The following ETV6 variants were observed in gnomAD, a reference collection of about 807,000 sequenced individuals.
The protein encoded by ETV6 is transcription factor ETV6.
In ETV6, 16 loss-of-function variants were observed where a neutral mutation model predicts 51.1. The ratio of observed to expected loss-of-function variants is 0.31; its 90% CI spans 0.21 to 0.48. The LOEUF (loss-of-function observed/expected upper bound fraction) is 0.48. ETV6 is among the 20% of genes least tolerant of loss of function. ETV6 has a pLI of 0.99. For missense variants in ETV6, 458 were observed against 594.8 expected, an observed-to-expected ratio of 0.77 and a Z score of 2.39; for synonymous variants, 240 against 224.1, an observed-to-expected ratio of 1.07 and a Z score of -0.64.
rs1386152477 is a variant in ETV6 at position 11,697,124 on chromosome 12, T to C, written c.33+46964T>C. 2.6e-5 allele frequency among the ~76,000 whole-genome samples: 4 copies of C among 152,238 alleles called. No homozygotes were observed. The East Asian group carries it at 7.7e-4, about 29-fold the overall frequency. On this transcript the variant is annotated intron_variant, in intron 1 of 7. Transcript: ENST00000396373. ...TGGATTACATAGATTGTGACTACAC[T>C]GTGCCTTAACTCATCACTTAGGCAG...
At chr12:11,701,355 G>C (rs1008961225) in intron 1 of ETV6, among the ~76,000 whole-genome samples, 12 of 152,030 alleles carry the variant, frequency 7.9e-5, no homozygotes, top group African/African-American at 2.9e-4. Context: ...ACTACTCCAG[G>C]TCTCTCCGTA....
chr12:11,775,178 A>G (rs1368058545), intron 2 of ETV6, among the ~76,000 whole-genome samples: 1 of 152,242 alleles, frequency 6.6e-6, no homozygotes, highest in Non-Finnish European at 1.5e-5. Context: ...AGTAAAGGAA[A>G]AAGCTGGGCT....
At chr12:11,670,123 A>G (rs757064491) in intron 1 of ETV6, among the ~76,000 whole-genome samples, 3 of 151,506 alleles carry the variant, frequency 2.0e-5, no homozygotes, top group Non-Finnish European at 4.4e-5. Context: ...GATACACTGT[A>G]TTCTTGTAAT....
chr12:11,890,892 A>C (rs1356231885), intron 7 of ETV6, 49 bp from the exon 8 acceptor site: 1 of 1,416,940 alleles, frequency 7.1e-7, no homozygotes, highest in Non-Finnish European at 1.0e-6. Flanking sequence ...GAGTGAAGAC[A>C]GCTTTAGGAA....
chr12:11,693,039 C>G (rs1864797044), intron 1 of ETV6, among the ~76,000 whole-genome samples: 2 of 152,074 alleles, frequency 1.3e-5, no homozygotes, highest in Admixed American at 6.6e-5. Flanking sequence ...GACCCTGTTT[C>G]AAGAATAGTA....
intron 1 of ETV6, among the ~76,000 whole-genome samples, chr12:11,692,676 C>T (rs1029724085): frequency 1.2e-4 from 18 of 152,192 alleles, no homozygotes; most frequent in Non-Finnish European, 2.5e-4. Flanking sequence ...ACTAGGCAGG[C>T]ATTGTCTTAA....
At chr12:11,847,511 G>A (rs1440983056) in intron 3 of ETV6, among the ~76,000 whole-genome samples, 2 of 152,226 alleles carry the variant, frequency 1.3e-5, no homozygotes, top group Non-Finnish European at 2.9e-5. Flanking sequence ...GCTGGAGAAG[G>A]AGGAAGAGCA....
chr12:11,775,618 C>T (rs1034002456), intron 2 of ETV6, among the ~76,000 whole-genome samples: 17 of 152,160 alleles, frequency 1.1e-4, no homozygotes, highest in Admixed American at 1.1e-3. Flanking sequence ...GGAGACTCCA[C>T]CTACCCCACC....
chr12:11,748,664 G>C (rs1402864787), intron 1 of ETV6, among the ~76,000 whole-genome samples: 3 of 152,110 alleles, frequency 2.0e-5, no homozygotes, highest in Non-Finnish European at 4.4e-5. Context: ...GGGTGGGTGT[G>C]GGGGAACGTG....
intron 2 of ETV6, among the ~76,000 whole-genome samples, chr12:11,790,781 G>A (rs1053176616): frequency 3.3e-5 from 5 of 149,694 alleles, no homozygotes; most frequent in South Asian, 2.1e-4. Flanking sequence ...GGATTCAAGC[G>A]ATTCTCCTGC....
At chr12:11,825,800 A>G (rs899349581) in intron 2 of ETV6, 5 of 150,164 alleles carry the variant, frequency 3.3e-5, no homozygotes, top group South Asian at 2.1e-4. Context: ...CCATTAAGTT[A>G]GCAATTCTTG....
At chr12:11,700,773 T>C (rs1247217257) in intron 1 of ETV6, among the ~76,000 whole-genome samples, 1 of 152,104 alleles carries the variant, frequency 6.6e-6, no homozygotes, top group Non-Finnish European at 1.5e-5. Context: ...GGCTTGGTCT[T>C]GCTGTCTCAG....
intron 1 of ETV6, among the ~76,000 whole-genome samples, chr12:11,698,009 T>A (rs1220911883): frequency 4.6e-5 from 7 of 152,098 alleles, no homozygotes; most frequent in Non-Finnish European, 4.4e-5. Flanking sequence ...ACAAAAAAAA[T>A]TTAAAAAAAC....
Position 11,798,748 on chromosome 12 carries a change from G to A in ETV6, c.164-40392G>A, listed in dbSNP as rs575823587. Among the ~76,000 whole-genome samples the A allele has an allele frequency of 3.3e-5, 5 of 152,242 alleles. No individual in the cohort carries two copies. In the East Asian group the frequency reaches 9.6e-4, roughly 29 times the overall value. On this transcript the variant is annotated intron_variant, in intron 2 of 7. Transcript: ENST00000396373. ...AAAAGCCTGCCTACCTTCACTTTGAGTTACAAATAAAATCCCTAGTGTTGC... is the reference window on the plus strand; with the variant it reads ...AAAAGCCTGCCTACCTTCACTTTGAATTACAAATAAAATCCCTAGTGTTGC...
chr12:11,794,290 G>A lies in ETV6; in HGVS notation c.163+41711G>A, dbSNP rs538893606. Among the ~76,000 whole-genome samples, 9 of 152,330 alleles carry A rather than the reference G, an allele frequency of 5.9e-5. No homozygotes were observed. In the East Asian group the frequency reaches 1.7e-3, roughly 29 times the overall value. On this transcript the variant is annotated intron_variant, in intron 2 of 7. Coordinates refer to ENST00000396373, the MANE Select transcript of ETV6 (RefSeq NM_001987.5). Reference sequence around the variant, plus strand: ...ATTGGCTAAGCTCAAAGACAAGGAAGATGCTTCCTATGAAACCGACCTCTG... The same window carrying A: ...ATTGGCTAAGCTCAAAGACAAGGAAAATGCTTCCTATGAAACCGACCTCTG...
intron 1 of ETV6, 150 bp from the exon 2 acceptor site, chr12:11,752,300 A>C: frequency 1.3e-6 from 1 of 762,250 alleles, no homozygotes. Context: ...CAGTGTCTCT[A>C]CGGAGAGAGT....
At position 11,778,832 on chromosome 12, in the gene ETV6, A is replaced by G. The variant is rs147901812; in HGVS notation, c.163+26253A>G. Among the ~76,000 whole-genome samples the G allele has an allele frequency of 7.9e-5, 12 of 152,304 alleles. No individual in the cohort carries two copies. In the East Asian group the frequency reaches 2.3e-3, roughly 29 times the overall value. On this transcript the variant is annotated intron_variant, in intron 2 of 7. Transcript: ENST00000396373. ...CCTCCGTGTGAGTGATTTCAGGATA[A>G]AAGGCCTTAGAGGATTAGACACATT...
intron 1 of ETV6, among the ~76,000 whole-genome samples, chr12:11,731,278 G>T (rs191526767): frequency 1.3e-5 from 2 of 152,156 alleles, no homozygotes; most frequent in African/African-American, 4.8e-5. Context: ...TTTAATTAAA[G>T]CAAAAATTTT....
At chr12:11,789,766 A>G (rs1028977202) in intron 2 of ETV6, among the ~76,000 whole-genome samples, 3 of 152,086 alleles carry the variant, frequency 2.0e-5, no homozygotes, top group African/African-American at 7.2e-5. Flanking sequence ...ATTTTTTTTC[A>G]GTGCCATTGT....
Sources: gnomAD v4.1 joint callset for allele counts (sites outside exome capture counted in the v4.1 genomes callset) on GRCh38, gnomAD v4.1.1 for gene constraint, MANE v1.5 for transcripts, NCBI Gene and HGNC (gene_info 2026-07-23, HGNC 2026-07-21) for gene names.